The following ANKRD55 variants were observed in gnomAD, a reference collection of about 807,000 sequenced individuals.
ANKRD55 encodes ankyrin repeat domain-containing protein 55.
A neutral mutation model predicts 60.6 loss-of-function variants in ANKRD55; 41 were observed. The ratio of observed to expected loss-of-function variants is 0.68; its 90% CI spans 0.53 to 0.88. ANKRD55 has a LOEUF of 0.88. Among genes scored for constraint, ANKRD55 ranks in the 40% least tolerant of loss-of-function variants. The pLI is 0.00. For synonymous variants in ANKRD55, 264 were observed against 290.3 expected (o/e 0.91, Z 0.92); for missense variants, 732 against 767.6 (o/e 0.95, Z 0.55).
At position 56,158,569 on chromosome 5, in the gene ANKRD55, C is replaced by A. The variant is rs139968933; in HGVS notation, c.483+1264G>T. Reference sequence around the variant, plus strand: ...ACTTTGTTGAAGAGTGTTGAACGACCTTTTTGGAAGCCTTCTACTTGCAAC... The same window carrying A: ...ACTTTGTTGAAGAGTGTTGAACGACATTTTTGGAAGCCTTCTACTTGCAAC... On this transcript the variant is annotated intron_variant, in intron 6 of 11. Transcript: ENST00000341048. 6.4e-3 allele frequency among the ~76,000 whole-genome samples: 978 copies of A among 152,270 alleles called. 11 individuals are homozygous for A. The highest frequency in any genetic ancestry group is 0.051 in the Middle Eastern group (15 of 294).
chr5:56,134,452 G>T (rs111629108), intron 7 of ANKRD55, among the ~76,000 whole-genome samples: 9,222 of 110,694 alleles, frequency 0.083, 2,650 homozygotes, highest in African/African-American at 0.26. Context: ...GGTGGCAGGC[G>T]CCTGTAATCC....
At chr5:56,111,885 C>T (rs1756720018) in intron 9 of ANKRD55, 103 bp from the exon 10 acceptor site, 2 of 1,150,990 alleles carry the variant, frequency 1.7e-6, no homozygotes, top group East Asian at 2.6e-5. Flanking sequence ...ATCAGGTTTT[C>T]TGAGATCCTT....
chr5:56,211,360 G>T (rs191065952), intron 2 of ANKRD55, among the ~76,000 whole-genome samples: 2 of 152,286 alleles, frequency 1.3e-5, no homozygotes, highest in South Asian at 4.2e-4. Flanking sequence ...CTCACTGTAT[G>T]CCCAGCACTG....
At chr5:56,219,425 C>G (rs1759909094) in intron 2 of ANKRD55, among the ~76,000 whole-genome samples, 1 of 152,124 alleles carries the variant, frequency 6.6e-6, no homozygotes, top group Non-Finnish European at 1.5e-5. Flanking sequence ...CCTCAATATA[C>G]CTGATAAAAT....
chr5:56,206,472 A>G (rs1352374604), intron 2 of ANKRD55, among the ~76,000 whole-genome samples: 1 of 152,184 alleles, frequency 6.6e-6, no homozygotes, highest in Non-Finnish European at 1.5e-5. Flanking sequence ...GGTATGTTGC[A>G]TACACTTGAC....
intron 10 of ANKRD55, among the ~76,000 whole-genome samples, chr5:56,104,354 C>T (rs769547380): frequency 7.2e-5 from 11 of 152,194 alleles, no homozygotes; most frequent in Non-Finnish European, 1.3e-4. Flanking sequence ...TAGACTTCAA[C>T]CCTATAGGGC....
chr5:56,101,526 G>C (rs1699044842), intron 11 of ANKRD55, among the ~76,000 whole-genome samples: 1 of 152,040 alleles, frequency 6.6e-6, no homozygotes, highest in Non-Finnish European at 1.5e-5. Flanking sequence ...TTTGTTCCTG[G>C]CTCTACAATG....
intron 2 of ANKRD55, among the ~76,000 whole-genome samples, chr5:56,217,477 C>A (rs1375023515): frequency 6.6e-6 from 1 of 152,050 alleles, no homozygotes; most frequent in African/African-American, 2.4e-5. Context: ...CTATAGCCTC[C>A]ATAGATAGTG....
At chr5:56,208,289 T>TA (rs959477217) in intron 2 of ANKRD55, among the ~76,000 whole-genome samples, 16 of 145,274 alleles carry the variant, frequency 1.1e-4, no homozygotes, top group South Asian at 2.2e-4. Context: ...AAAAATAGCT[T>TA]AAAAAAAAAA....
intron 5 of ANKRD55, among the ~76,000 whole-genome samples, chr5:56,165,794 T>A (rs79829866): frequency 0.081 from 12,311 of 152,008 alleles, 771 homozygotes; most frequent in African/African-American, 0.17. Context: ...CCGGGCATGG[T>A]GGTGCGTGTC....
In ANKRD55 at chr5:56,117,787, TA is replaced by T. The variant is rs543363039; in HGVS notation, c.798-1006del. On this transcript the variant is annotated intron_variant, in intron 8 of 11. Coordinates refer to ENST00000341048, the MANE Select transcript of ANKRD55 (RefSeq NM_024669.3). ...TTTTAAGTGATTTTTCTATAAAACT[TA>T]AAAAAAAATCACATTTAATTCCTTA... Among the ~76,000 whole-genome samples the T allele has an allele frequency of 1.1e-3, 174 of 151,892 alleles. 1 individual carries two copies. The highest frequency in any genetic ancestry group is 0.01 in the Middle Eastern group (3 of 294).
intron 5 of ANKRD55, among the ~76,000 whole-genome samples, chr5:56,161,804 T>C (rs1446712538): frequency 2.0e-5 from 3 of 152,204 alleles, no homozygotes; most frequent in Non-Finnish European, 2.9e-5. Flanking sequence ...AAAGGGACAA[T>C]GGCTATGACT....
intron 5 of ANKRD55, among the ~76,000 whole-genome samples, chr5:56,166,198 C>CTTCCTTCCTT (rs1491539908): frequency 1.6e-5 from 1 of 63,630 alleles, no homozygotes; most frequent in African/African-American, 1.3e-4. Context: ...TCCTTCCTTC[C>CTTCCTTCCTT]TTCTCTCTCT....
intron 6 of ANKRD55, among the ~76,000 whole-genome samples, chr5:56,155,483 G>T (rs1758168604): frequency 6.6e-6 from 1 of 152,180 alleles, no homozygotes. Flanking sequence ...AGTAAAACTA[G>T]CCTGTTTGGG....
intron 2 of ANKRD55, among the ~76,000 whole-genome samples, chr5:56,225,105 C>A (rs930498958): frequency 1.6e-4 from 25 of 152,032 alleles, no homozygotes; most frequent in Admixed American, 9.8e-4. Context: ...GCAAACCGAA[C>A]CCAGCAGCAC....
intron 2 of ANKRD55, among the ~76,000 whole-genome samples, chr5:56,206,514 C>T (rs1759512924): frequency 1.3e-5 from 2 of 152,192 alleles, no homozygotes; most frequent in South Asian, 2.1e-4. Context: ...CATCCTACCC[C>T]ACCTCCTTTA....
At chr5:56,168,703 G>A (rs988449729) in intron 5 of ANKRD55, among the ~76,000 whole-genome samples, 4 of 152,150 alleles carry the variant, frequency 2.6e-5, no homozygotes, top group African/African-American at 9.7e-5. Context: ...GGAGACTACT[G>A]TTCTCCTCTT....
intron 3 of ANKRD55, among the ~76,000 whole-genome samples, chr5:56,178,823 A>G (rs924201151): frequency 3.3e-5 from 5 of 152,112 alleles, no homozygotes; most frequent in Non-Finnish European, 1.5e-5. Context: ...GTCTAATAAA[A>G]ACTCAACAAA....
intron 6 of ANKRD55, among the ~76,000 whole-genome samples, chr5:56,155,702 C>T (rs1758174602): frequency 6.6e-6 from 1 of 151,890 alleles, no homozygotes; most frequent in African/African-American, 2.4e-5. Context: ...AAAAATTAGC[C>T]TGGCATGGTG....
Sources: allele counts gnomAD v4.1 joint callset (sites outside exome capture counted in the v4.1 genomes callset), GRCh38; gene constraint gnomAD v4.1.1; transcripts MANE v1.5; gene names NCBI Gene and HGNC (gene_info 2026-07-23, HGNC 2026-07-21).